HDAC9: variants seen among roughly 807,000 people sequenced by gnomAD.
The protein encoded by HDAC9 is histone deacetylase 9, also known as MEF-2 interacting transcription repressor (MITR) protein.
In HDAC9, 41 loss-of-function variants were observed where a neutral mutation model predicts 139.4. That is an observed-to-expected ratio of 0.29 (90% CI 0.23 to 0.38). The LOEUF (loss-of-function observed/expected upper bound fraction) is 0.38. Ranked by LOEUF, HDAC9 falls within the 10% of genes least tolerant of loss-of-function variation. The pLI is 1.00. For missense variants in HDAC9, 1,147 were observed against 1,297.0 expected (o/e 0.88, Z 1.78); for synonymous variants, 517 against 476.2 (o/e 1.09, Z -1.12).
In HDAC9 at chr7:18,114,919, T is replaced by A. The variant is rs1004279218; in HGVS notation, c.-97+27706T>A. 6.6e-5 allele frequency among the ~76,000 whole-genome samples: 10 copies of A among 152,154 alleles called. No individual in the cohort carries two copies. In the South Asian group the frequency reaches 2.1e-3, roughly 32 times the overall value. ...GCAGCTAAAAAATATTAGAAACGAGTGAAATTTAAGGCAACCATTTGTTCA... is the reference window on the plus strand; with the variant it reads ...GCAGCTAAAAAATATTAGAAACGAGAGAAATTTAAGGCAACCATTTGTTCA... On this transcript the variant is annotated intron_variant, in intron 1 of 12. Transcript: ENST00000417496.
chr7:18,439,712 G>A (rs1468477202), intron 1 of HDAC9, among the ~76,000 whole-genome samples: 2 of 152,132 alleles, frequency 1.3e-5, no homozygotes, highest in Non-Finnish European at 2.9e-5. Flanking sequence ...GAAAGTATCA[G>A]AATGTATAAT....
rs542503870 is a variant in HDAC9 at position 18,929,627 on chromosome 7, C to G, written c.2804-6182C>G. The stretch of plus-strand genomic sequence containing the variant: ...TTTCCTAAAATAAAAGCTTAAGTTA[C>G]CAAATCTCTTTTAAAAAGTATCTGA... On this transcript the variant is annotated intron_variant, in intron 22 of 25. Transcript: ENST00000686413. 7.2e-4 allele frequency among the ~76,000 whole-genome samples: 110 copies of G among 152,038 alleles called. 2 individuals carry two copies. The South Asian group carries it at 0.021, about 30-fold the overall frequency.
chr7:18,959,824 G>A (rs142836697), intron 24 of HDAC9, among the ~76,000 whole-genome samples: 1 of 152,244 alleles, frequency 6.6e-6, no homozygotes, highest in African/African-American at 2.4e-5. Context: ...GTGAATTGAG[G>A]TCTTTTTAGA....
intron 2 of HDAC9, among the ~76,000 whole-genome samples, chr7:18,223,537 A>G (rs1334936209): frequency 6.6e-6 from 1 of 152,140 alleles, no homozygotes; most frequent in Admixed American, 6.5e-5. Flanking sequence ...TTTAAATGAT[A>G]GTGCCATAAC....
At chr7:18,241,871 T>A (rs577178303) in intron 2 of HDAC9, among the ~76,000 whole-genome samples, 2 of 152,342 alleles carry the variant, frequency 1.3e-5, no homozygotes, top group South Asian at 4.1e-4. Context: ...GCCACAAGGC[T>A]GTGCTGGGAT....
intron 1 of HDAC9, among the ~76,000 whole-genome samples, chr7:18,359,997 G>T (rs1466454387): frequency 1.3e-5 from 2 of 152,086 alleles, no homozygotes; most frequent in African/African-American, 2.4e-5. Flanking sequence ...ACCACCTTCT[G>T]CTCTGCCTTA....
chr7:18,500,817 A>G (rs983501134), intron 2 of HDAC9, among the ~76,000 whole-genome samples: 16 of 152,156 alleles, frequency 1.1e-4, no homozygotes, highest in African/African-American at 3.9e-4. Context: ...TCCTACAAAT[A>G]GAGCACCTTA....
intron 1 of HDAC9, among the ~76,000 whole-genome samples, chr7:18,435,059 CAAAAAAAAAA>C (rs376786180): frequency 1.5e-5 from 1 of 67,810 alleles, no homozygotes; most frequent in Admixed American, 2.1e-4. Context: ...ACTACACAGC[CAAAAAAAAAA>C]AAAAAAAAAA....
chr7:18,499,518 G>T (rs1342367239), intron 2 of HDAC9, among the ~76,000 whole-genome samples: 1 of 151,962 alleles, frequency 6.6e-6, no homozygotes, highest in Non-Finnish European at 1.5e-5. Flanking sequence ...GGCTTGTGTG[G>T]GCCAGGGTAA....
intron 1 of HDAC9, among the ~76,000 whole-genome samples, chr7:18,453,535 A>G (rs1793073968): frequency 6.6e-6 from 1 of 152,214 alleles, no homozygotes; most frequent in African/African-American, 2.4e-5. Context: ...AAGAATTAGT[A>G]GTGCTTATCT....
At chr7:18,137,975 A>G (rs1298144863) in intron 1 of HDAC9, among the ~76,000 whole-genome samples, 5 of 151,774 alleles carry the variant, frequency 3.3e-5, no homozygotes, top group Admixed American at 1.3e-4. Context: ...TATTGCCACA[A>G]TTTCAGATCC....
At chr7:18,635,544 A>G (rs1159682965) in intron 8 of HDAC9, among the ~76,000 whole-genome samples, 4 of 152,252 alleles carry the variant, frequency 2.6e-5, no homozygotes, top group African/African-American at 9.6e-5. Flanking sequence ...GTATAAGGCT[A>G]TCAAAGGCAA....
intron 2 of HDAC9, among the ~76,000 whole-genome samples, chr7:18,198,466 C>T (rs781766180): frequency 3.9e-5 from 6 of 152,154 alleles, no homozygotes; most frequent in Admixed American, 1.3e-4. Flanking sequence ...ATCAGTGGCT[C>T]AAATGGTCCT....
In HDAC9 at chr7:18,640,505, T is replaced by G. The variant is rs554642875; in HGVS notation, c.913-4166T>G. On this transcript the variant is annotated intron_variant, in intron 8 of 25. Coordinates refer to ENST00000686413, the MANE Select transcript of HDAC9 (RefSeq NM_178425.4). Reference sequence around the variant, plus strand: ...ATTTGTTTATCTTCTTCTCTTTCCCTTCCTCCTTTTTTCCCTGCCTCCCTC... The same window carrying G: ...ATTTGTTTATCTTCTTCTCTTTCCCGTCCTCCTTTTTTCCCTGCCTCCCTC... Among the ~76,000 whole-genome samples, 3 of 151,762 alleles carry G rather than the reference T, an allele frequency of 2.0e-5. No individual in the cohort carries two copies. In the South Asian group the frequency reaches 6.2e-4, roughly 32 times the overall value.
At chr7:18,405,869 G>C (rs754873378) in intron 1 of HDAC9, among the ~76,000 whole-genome samples, 1 of 152,280 alleles carries the variant, frequency 6.6e-6, no homozygotes, top group South Asian at 2.1e-4. Flanking sequence ...GGCAGATTCT[G>C]CTTAGTTGCC....
chr7:18,121,248 A>C (rs1784350155), intron 1 of HDAC9, among the ~76,000 whole-genome samples: 1 of 152,220 alleles, frequency 6.6e-6, no homozygotes, highest in Non-Finnish European at 1.5e-5. Flanking sequence ...AATTTTTGTC[A>C]AAACTGCCTT....
At chr7:18,144,718 C>T (rs961744297) in intron 1 of HDAC9, among the ~76,000 whole-genome samples, 17 of 152,116 alleles carry the variant, frequency 1.1e-4, no homozygotes, top group African/African-American at 4.1e-4. Context: ...TCCATCTCTT[C>T]CTTAGCCTCA....
chr7:18,483,331 A>G (rs1795726461), intron 1 of HDAC9, among the ~76,000 whole-genome samples: 1 of 152,244 alleles, frequency 6.6e-6, no homozygotes, highest in Non-Finnish European at 1.5e-5. Context: ...ATATACAGAC[A>G]GGATACAGTG....
intron 1 of HDAC9, among the ~76,000 whole-genome samples, chr7:18,356,362 T>TTTTG (rs1790900693): frequency 7.8e-6 from 1 of 128,354 alleles, no homozygotes; most frequent in Admixed American, 7.8e-5. Context: ...ACATAGGTTT[T>TTTTG]TTTTTTTTTT....
Sources: allele counts gnomAD v4.1 joint callset (sites outside exome capture counted in the v4.1 genomes callset), GRCh38; gene constraint gnomAD v4.1.1; transcripts MANE v1.5; gene names NCBI Gene and HGNC (gene_info 2026-07-23, HGNC 2026-07-21).